Variants in RGS7 observed in about 807,000 individuals in gnomAD.
The protein encoded by RGS7 is regulator of G-protein signaling 7.
In RGS7, 27 loss-of-function variants were observed where a neutral mutation model predicts 81.1. That is an observed-to-expected ratio of 0.33 (90% CI 0.25 to 0.46). The LOEUF is 0.46. Among genes scored for constraint, RGS7 ranks in the 20% least tolerant of loss-of-function variants. RGS7 has a pLI of 1.00. For missense variants in RGS7, 396 were observed against 607.4 expected (o/e 0.65, Z 3.66); for synonymous variants, 208 against 207.7 (o/e 1.00, Z -0.01).
At chr1:241,208,564 C>T (rs2074062146) in intron 2 of RGS7, among the ~76,000 whole-genome samples, 1 of 152,056 alleles carries the variant, frequency 6.6e-6, no homozygotes. Flanking sequence ...TCCCAGTCAG[C>T]CCCGCCCCCA....
chr1:240,789,930 C>T (rs1333114486), intron 18 of RGS7, among the ~76,000 whole-genome samples: 7 of 152,150 alleles, frequency 4.6e-5, no homozygotes, highest in African/African-American at 1.4e-4. Context: ...GCTGGTTTTG[C>T]GGCTTGTGGG....
chr1:240,998,425 T>G (rs921352098), intron 3 of RGS7: 2 of 681,208 alleles, frequency 2.9e-6, no homozygotes, highest in Non-Finnish European at 5.0e-6. Context: ...AGCTTTTTAT[T>G]GAACACATTA....
At chr1:241,236,325 T>C (rs1425147392) in intron 2 of RGS7, among the ~76,000 whole-genome samples, 1 of 152,182 alleles carries the variant, frequency 6.6e-6, no homozygotes, top group African/African-American at 2.4e-5. Flanking sequence ...TTATACGACA[T>C]GCAATTTCGC....
At chr1:241,072,793 T>G (rs2062554163) in intron 3 of RGS7, among the ~76,000 whole-genome samples, 1 of 152,236 alleles carries the variant, frequency 6.6e-6, no homozygotes, top group Non-Finnish European at 1.5e-5. Context: ...AGAGGCAGGA[T>G]GGAGAAAGGA....
At chr1:240,941,020 T>C (rs968662953) in intron 4 of RGS7, among the ~76,000 whole-genome samples, 1 of 152,236 alleles carries the variant, frequency 6.6e-6, no homozygotes, top group Non-Finnish European at 1.5e-5. Context: ...TCATTTGATT[T>C]GATGATATGC....
At chr1:241,054,687 A>G (rs2061399780) in intron 3 of RGS7, among the ~76,000 whole-genome samples, 2 of 152,202 alleles carry the variant, frequency 1.3e-5, no homozygotes, top group Non-Finnish European at 2.9e-5. Context: ...AAGAGTGCCA[A>G]TATTCACTCA....
chr1:241,353,961 A>G lies in RGS7; in HGVS notation c.78+1738T>C, dbSNP rs139623777. Among the ~76,000 whole-genome samples, 588 of 152,212 alleles carry G rather than the reference A, an allele frequency of 3.9e-3. 3 individuals are homozygous for G. The highest frequency in any genetic ancestry group is 0.013 in the African/African-American group (558 of 41,542). On this transcript the variant is annotated intron_variant, in intron 2 of 18. Transcript: ENST00000440928. ...AATAACTGACTGAATGACACACACT[A>G]GTTGCTGCATATTTAGTTTATTTCT...
intron 3 of RGS7, among the ~76,000 whole-genome samples, chr1:241,022,081 T>G (rs2059565429): frequency 6.6e-6 from 1 of 152,220 alleles, no homozygotes; most frequent in East Asian, 1.9e-4. Context: ...TGCCATTGAT[T>G]GAAAACTGAT....
chr1:240,982,473 G>T (rs1189508930), intron 4 of RGS7, among the ~76,000 whole-genome samples: 1 of 149,596 alleles, frequency 6.7e-6, no homozygotes, highest in Non-Finnish European at 1.5e-5. Flanking sequence ...TGCATATGTA[G>T]GATCTTGTTC....
intron 2 of RGS7, among the ~76,000 whole-genome samples, chr1:241,304,440 G>A (rs1487403750): frequency 6.6e-6 from 1 of 152,214 alleles, no homozygotes; most frequent in Non-Finnish European, 1.5e-5. Flanking sequence ...AACAGCAGTT[G>A]TGAGTGTACT....
At chr1:241,079,955 G>T (rs2063042766) in intron 3 of RGS7, among the ~76,000 whole-genome samples, 1 of 152,030 alleles carries the variant, frequency 6.6e-6, no homozygotes, top group Admixed American at 6.6e-5. Context: ...CAATATTTGT[G>T]AGAAACAATT....
chr1:241,215,088 T>C (rs1159289688), intron 2 of RGS7, among the ~76,000 whole-genome samples: 1 of 152,200 alleles, frequency 6.6e-6, no homozygotes, highest in Non-Finnish European at 1.5e-5. Flanking sequence ...AACTTTTGAT[T>C]GTATAGTGGC....
intron 3 of RGS7, chr1:240,998,414 C>A: frequency 1.6e-6 from 1 of 610,156 alleles, no homozygotes; most frequent in Non-Finnish European, 2.8e-6. Context: ...TTTTTAAGTT[C>A]AGCTTTTTAT....
chr1:240,932,037 TG>T (rs774383767), intron 5 of RGS7, among the ~76,000 whole-genome samples: 4 of 152,164 alleles, frequency 2.6e-5, no homozygotes, highest in Non-Finnish European at 5.9e-5. Flanking sequence ...AACTACCATG[TG>T]CAATAAGCAT....
chr1:241,288,330 G>A (rs1377801568), intron 2 of RGS7, among the ~76,000 whole-genome samples: 12 of 152,168 alleles, frequency 7.9e-5, no homozygotes, highest in Admixed American at 7.9e-4. Context: ...TTCAGGATTC[G>A]ACTCCAGCTC....
intron 3 of RGS7, among the ~76,000 whole-genome samples, chr1:240,983,835 T>C (rs1241739077): frequency 6.6e-6 from 1 of 152,224 alleles, no homozygotes; most frequent in Non-Finnish European, 1.5e-5. Context: ...GGGTGTCATA[T>C]TCATCTTTGA....
intron 3 of RGS7, among the ~76,000 whole-genome samples, chr1:241,046,361 T>A (rs892485377): frequency 1.5e-4 from 22 of 151,158 alleles, no homozygotes; most frequent in African/African-American, 5.4e-4. Flanking sequence ...TATGTCCATG[T>A]GTACTTAATG....
intron 2 of RGS7, among the ~76,000 whole-genome samples, chr1:241,247,422 G>T (rs1018623014): frequency 6.6e-6 from 1 of 152,130 alleles, no homozygotes; most frequent in African/African-American, 2.4e-5. Context: ...GGGGCCTGCC[G>T]CTCCACACCT....
At chr1:241,341,730 G>A (rs577237496) in intron 2 of RGS7, among the ~76,000 whole-genome samples, 16 of 152,210 alleles carry the variant, frequency 1.1e-4, no homozygotes, top group Admixed American at 3.3e-4. Flanking sequence ...ACTCTAAGAC[G>A]CAGGTACTAT....
Sources: allele counts gnomAD v4.1 joint callset (sites outside exome capture counted in the v4.1 genomes callset), GRCh38; gene constraint gnomAD v4.1.1; transcripts MANE v1.5; gene names NCBI Gene and HGNC (gene_info 2026-07-23, HGNC 2026-07-21).